The following GABRB1 variants were observed in gnomAD, a reference collection of about 807,000 sequenced individuals.
GABRB1 encodes gamma-aminobutyric acid type A receptor subunit beta1.
Under a neutral mutation model 51.6 loss-of-function variants are expected in GABRB1, and 17 were observed. The ratio of observed to expected loss-of-function variants is 0.33; its 90% CI spans 0.23 to 0.49. GABRB1 has a LOEUF of 0.49. Among genes scored for constraint, GABRB1 ranks in the 20% least tolerant of loss-of-function variants. The pLI is 0.99. For synonymous variants in GABRB1, 247 were observed against 218.9 expected (o/e 1.13, Z -1.14); for missense variants, 410 against 600.6 (o/e 0.68, Z 3.32).
chr4:47,134,839 G>A (rs1716570495), intron 3 of GABRB1, among the ~76,000 whole-genome samples: 1 of 152,180 alleles, frequency 6.6e-6, no homozygotes, highest in Admixed American at 6.5e-5. Flanking sequence ...TGAGTAGGTT[G>A]GGCACAATGG....
chr4:47,258,353 C>T (rs1020190030), intron 4 of GABRB1, among the ~76,000 whole-genome samples: 3 of 151,954 alleles, frequency 2.0e-5, no homozygotes, highest in Admixed American at 2.0e-4. Context: ...TATAACAAAC[C>T]ACAAATCCCT....
chr4:47,109,629 T>C (rs1041254161), intron 3 of GABRB1, among the ~76,000 whole-genome samples: 4 of 151,820 alleles, frequency 2.6e-5, no homozygotes, highest in African/African-American at 4.8e-5. Context: ...GTAAATAAGG[T>C]TTTGGACATT....
intron 1 of GABRB1, among the ~76,000 whole-genome samples, chr4:47,022,940 T>G (rs1373931575): frequency 6.6e-6 from 1 of 152,000 alleles, no homozygotes; most frequent in Non-Finnish European, 1.5e-5. Flanking sequence ...CATGAACAGA[T>G]GAATGAATAA....
intron 4 of GABRB1, among the ~76,000 whole-genome samples, chr4:47,169,541 G>T (rs1718350919): frequency 6.7e-6 from 1 of 148,896 alleles, no homozygotes; most frequent in Non-Finnish European, 1.5e-5. Context: ...TGCTCTTGTT[G>T]CCCAAGCTGG....
chr4:47,250,325 T>G (rs1721937729), intron 4 of GABRB1, among the ~76,000 whole-genome samples: 1 of 152,250 alleles, frequency 6.6e-6, no homozygotes, highest in Non-Finnish European at 1.5e-5. Flanking sequence ...AATCTGCTGT[T>G]AATCTGATAG....
chr4:47,184,170 A>G (rs1168612238), intron 4 of GABRB1, among the ~76,000 whole-genome samples: 2 of 151,942 alleles, frequency 1.3e-5, no homozygotes, highest in African/African-American at 4.8e-5. Flanking sequence ...CATCAGAACA[A>G]CATTGAAGGA....
At chr4:47,037,758 C>A (rs867968133) in intron 3 of GABRB1, among the ~76,000 whole-genome samples, 4 of 152,008 alleles carry the variant, frequency 2.6e-5, no homozygotes, top group African/African-American at 9.7e-5. Context: ...ACATTAATAG[C>A]GATTTAATCC....
At chr4:47,315,952 G>A (rs949901323) in intron 4 of GABRB1, among the ~76,000 whole-genome samples, 1 of 151,706 alleles carries the variant, frequency 6.6e-6, no homozygotes, top group African/African-American at 2.4e-5. Flanking sequence ...CTATTACCTG[G>A]GTGGTGAAAT....
intron 3 of GABRB1, among the ~76,000 whole-genome samples, chr4:47,156,546 C>T (rs1717706198): frequency 6.6e-6 from 1 of 152,046 alleles, no homozygotes; most frequent in Admixed American, 6.6e-5. Flanking sequence ...AGGGAAAAAT[C>T]AGCCTGTCCT....
chr4:47,286,947 T>C (rs1170207406), intron 4 of GABRB1, among the ~76,000 whole-genome samples: 2 of 152,196 alleles, frequency 1.3e-5, no homozygotes, highest in Non-Finnish European at 2.9e-5. Flanking sequence ...ACCCCGCATG[T>C]GCTCTTCCCA....
At chr4:47,308,792 A>G (rs1478318337) in intron 4 of GABRB1, among the ~76,000 whole-genome samples, 2 of 152,104 alleles carry the variant, frequency 1.3e-5, no homozygotes, top group African/African-American at 4.8e-5. Context: ...ATTCCAGGTA[A>G]ACATTTTCTT....
intron 3 of GABRB1, among the ~76,000 whole-genome samples, chr4:47,146,929 AT>A (rs1169008403): frequency 6.6e-6 from 1 of 152,096 alleles, no homozygotes; most frequent in Non-Finnish European, 1.5e-5. Context: ...TAGTGTGACT[AT>A]TCAGTTTAAT....
Position 47,173,235 on chromosome 4 carries a change from A to G in GABRB1, c.461+11766A>G, listed in dbSNP as rs1342980540. The stretch of plus-strand genomic sequence containing the variant: ...AGAGAGAAATTTTTTGTTCTACAAT[A>G]CAAACATCTGCTTTGAATATTTAGA... On this transcript the variant is annotated intron_variant, in intron 4 of 8. Coordinates refer to ENST00000295454, the MANE Select transcript of GABRB1 (RefSeq NM_000812.4). Among the ~76,000 whole-genome samples, 4 of 152,332 alleles carry G rather than the reference A, an allele frequency of 2.6e-5. No individual in the cohort carries two copies. The South Asian group carries it at 6.2e-4, about 24-fold the overall frequency.
intron 3 of GABRB1, among the ~76,000 whole-genome samples, chr4:47,143,764 T>C (rs868383141): frequency 6.6e-6 from 1 of 151,882 alleles, no homozygotes; most frequent in Non-Finnish European, 1.5e-5. Context: ...ATAATAATAG[T>C]AGAGCAGCTC....
intron 5 of GABRB1, among the ~76,000 whole-genome samples, chr4:47,362,920 T>C (rs1236531411): frequency 6.6e-6 from 1 of 152,122 alleles, no homozygotes; most frequent in Admixed American, 6.6e-5. Flanking sequence ...CAGATACTGC[T>C]AGTACACTGT....
intron 7 of GABRB1, 130 bp from the exon 8 acceptor site, chr4:47,406,552 G>GATACC (rs1728574804): frequency 9.0e-7 from 1 of 1,109,134 alleles, no homozygotes; most frequent in African/African-American, 1.6e-5. Context: ...TTTGCCCAAT[G>GATACC]GTTTATCATG....
chr4:47,165,357 G>A (rs1218221768), intron 4 of GABRB1, among the ~76,000 whole-genome samples: 1 of 151,722 alleles, frequency 6.6e-6, no homozygotes, highest in African/African-American at 2.4e-5. Flanking sequence ...TTCAGTTTCT[G>A]CTTTGAGCAC....
intron 5 of GABRB1, among the ~76,000 whole-genome samples, chr4:47,375,176 CT>C (rs1727336800): frequency 6.6e-6 from 1 of 152,118 alleles, no homozygotes; most frequent in South Asian, 2.1e-4. Flanking sequence ...TTAAAAATTA[CT>C]GTTATAGGTA....
chr4:47,350,218 T>TATATATATATAGAGAGAGAG (rs750199965), intron 5 of GABRB1, among the ~76,000 whole-genome samples: 4 of 56,636 alleles, frequency 7.1e-5, no homozygotes, highest in African/African-American at 3.2e-4. Flanking sequence ...TATATATATA[T>TATATATATATAGAGAGAGAG]AGAGAGAGAG....
Sources: allele counts gnomAD v4.1 joint callset (sites outside exome capture counted in the v4.1 genomes callset), GRCh38; gene constraint gnomAD v4.1.1; transcripts MANE v1.5; gene names NCBI Gene and HGNC (gene_info 2026-07-23, HGNC 2026-07-21).